Variants in L3MBTL3 observed in about 807,000 individuals in gnomAD.
L3MBTL3 encodes L3MBTL histone methyl-lysine binding protein 3.
Under a neutral mutation model 102.3 loss-of-function variants are expected in L3MBTL3, and 27 were observed. That is an observed-to-expected ratio of 0.26 (90% confidence interval 0.19 to 0.36). L3MBTL3 has a LOEUF of 0.36. Ranked by LOEUF, L3MBTL3 falls within the 10% of genes least tolerant of loss-of-function variation. The probability of loss-of-function intolerance (pLI) is 1.00; values close to 1 mark genes in which losing one functional copy is unlikely to be tolerated. For missense variants in L3MBTL3, 798 were observed against 955.3 expected (o/e 0.84, Z 2.17); for synonymous variants, 340 against 320.9 (o/e 1.06, Z -0.64).
chr6:130,087,931 T>C (rs961225784), intron 16 of L3MBTL3, among the ~76,000 whole-genome samples: 4 of 152,130 alleles, frequency 2.6e-5, no homozygotes, highest in South Asian at 2.1e-4. Context: ...GTGCTGAAAG[T>C]ATAAATGGTT....
chr6:130,032,774 T>C lies in L3MBTL3; in HGVS notation c.-15-9911T>C, dbSNP rs1461857758. Among the ~76,000 whole-genome samples the C allele has an allele frequency of 2.0e-5, 3 of 152,188 alleles. No homozygotes were observed. The East Asian group carries it at 5.8e-4, about 29-fold the overall frequency. On this transcript the variant is annotated intron_variant, in intron 2 of 22. Coordinates refer to ENST00000361794, the MANE Select transcript of L3MBTL3 (RefSeq NM_032438.4). ...GGGAGGCCAAGGTGGAAGAATCACG[T>C]GAGGCCTGCAGTTTGAGACCACCCT...
At chr6:130,134,354 T>TA (rs910942888) in intron 22 of L3MBTL3, among the ~76,000 whole-genome samples, 9 of 152,294 alleles carry the variant, frequency 5.9e-5, no homozygotes, top group African/African-American at 1.9e-4. Flanking sequence ...GCATTATGTC[T>TA]AAAAAAATCC....
At chr6:130,039,942 G>A (rs538962078) in intron 2 of L3MBTL3, among the ~76,000 whole-genome samples, 1 of 152,310 alleles carries the variant, frequency 6.6e-6, no homozygotes, top group South Asian at 2.1e-4. Context: ...AACTTGACAG[G>A]TGGTGGTAGT....
intron 2 of L3MBTL3, among the ~76,000 whole-genome samples, chr6:130,026,918 A>G (rs1032917532): frequency 2.0e-5 from 3 of 152,172 alleles, no homozygotes; most frequent in African/African-American, 2.4e-5. Context: ...AAGAAAATTA[A>G]GAGAGACAAT....
intron 22 of L3MBTL3, among the ~76,000 whole-genome samples, chr6:130,134,759 C>T (rs574632020): frequency 6.6e-6 from 1 of 152,324 alleles, no homozygotes; most frequent in East Asian, 1.9e-4. Flanking sequence ...AACTTGTTTG[C>T]CCCTATGTGT....
chr6:130,086,058 T>C, intron 15 of L3MBTL3, 82 bp from the exon 16 acceptor site: 7 of 991,972 alleles, frequency 7.1e-6, no homozygotes, highest in Non-Finnish European at 1.1e-5. Flanking sequence ...TGGCCAGCTT[T>C]TTCTTCTTCT....
intron 10 of L3MBTL3, among the ~76,000 whole-genome samples, chr6:130,062,680 CCA>C (rs1424096431): frequency 6.6e-6 from 1 of 151,422 alleles, no homozygotes; most frequent in Non-Finnish European, 1.5e-5. Flanking sequence ...CAGGCATGAG[CCA>C]CCACACCTGG....
chr6:130,066,576 T>C (rs1398856605), intron 11 of L3MBTL3, 88 bp downstream of exon 11: 9 of 1,215,746 alleles, frequency 7.4e-6, no homozygotes, highest in African/African-American at 3.1e-5. Flanking sequence ...ATTCAGACTT[T>C]ATGAAAATTC....
intron 18 of L3MBTL3, among the ~76,000 whole-genome samples, chr6:130,097,273 C>G (rs931267441): frequency 6.6e-6 from 1 of 152,052 alleles, no homozygotes; most frequent in Non-Finnish European, 1.5e-5. Context: ...TACTTTTGTT[C>G]TTACTAAGAA....
chr6:130,062,661 C>T (rs1433040520), intron 10 of L3MBTL3, among the ~76,000 whole-genome samples: 4 of 149,904 alleles, frequency 2.7e-5, no homozygotes, highest in African/African-American at 9.8e-5. Flanking sequence ...TCCCAAAGTG[C>T]TTGTATAACA....
At chr6:130,058,006 G>A (rs908926959) in intron 9 of L3MBTL3, among the ~76,000 whole-genome samples, 10 of 151,548 alleles carry the variant, frequency 6.6e-5, no homozygotes, top group East Asian at 1.9e-4. Flanking sequence ...AGCCGGGCGC[G>A]GTGGCGGGTG....
At chr6:130,062,365 AAC>A (rs35674108) in intron 10 of L3MBTL3, among the ~76,000 whole-genome samples, 121 of 151,212 alleles carry the variant, frequency 8.0e-4, no homozygotes, top group Middle Eastern at 6.9e-3. Context: ...CACACAGACA[AAC>A]ACACGCGCGC....
At position 130,051,250 on chromosome 6, in the gene L3MBTL3, C is replaced by G; in HGVS notation, c.291C>G (p.Val97=). 1.2e-6 allele frequency: 2 copies of G among 1,606,222 alleles called. No homozygotes were observed. Among genetic ancestry groups the G allele is most frequent in the East Asian group, 4.5e-5 (2 of 44,778 alleles). ...YWTSPPGCPT[V]FSEKTGMPFR... ...GCATTTCTTCTTTTCATCTTCTAGT[C>G]TTTTCAGAGAAGACTGGGATGCCTT... is the stretch of plus-strand genomic sequence containing the variant. The change falls in exon 6 of 23, where the codon GTC becomes GTG. Residue 97 remains valine, a splice_region_variant and synonymous_variant. Transcript: ENST00000361794.
In L3MBTL3 at chr6:130,080,685, A is replaced by G. The variant is rs537667900; in HGVS notation, c.1321+2051A>G. Among the ~76,000 whole-genome samples the G allele has an allele frequency of 5.9e-5, 9 of 152,342 alleles. No homozygotes were observed. In the East Asian group the frequency reaches 1.7e-3, roughly 29 times the overall value. On this transcript the variant is annotated intron_variant, in intron 14 of 22. Transcript: ENST00000361794. ...AAGAGAAAAAAAAAATAGCTTTTTG[A>G]CACATTTTAAAAATTCAAAATTGCA... is the stretch of plus-strand genomic sequence containing the variant.
intron 13 of L3MBTL3, among the ~76,000 whole-genome samples, chr6:130,072,074 T>A (rs956454935): frequency 6.6e-6 from 1 of 152,106 alleles, no homozygotes; most frequent in Non-Finnish European, 1.5e-5. Flanking sequence ...CCAAGTACGG[T>A]TGGCCTTCTG....
In L3MBTL3 at chr6:130,049,526, C is replaced by G. The variant is rs1780954309; in HGVS notation, c.214+133C>G. The G allele has an allele frequency of 1.1e-5, 8 of 726,162 alleles. No individual in the cohort carries two copies. The South Asian group carries it at 1.6e-4, about 14-fold the overall frequency. 45.0% of individuals were successfully genotyped at this position (726,162 alleles called of 1,614,324 possible). On this transcript the variant is annotated intron_variant, in intron 4 of 22. Coordinates refer to ENST00000361794, the MANE Select transcript of L3MBTL3 (RefSeq NM_032438.4). ...GTGCCTCATGTTGTTAGGTAAATTT[C>G]TATAATGAAACTGATAGGAGCCAGC...
chr6:130,083,312 T>C (rs186823537), intron 14 of L3MBTL3, among the ~76,000 whole-genome samples: 1 of 152,102 alleles, frequency 6.6e-6, no homozygotes, highest in Non-Finnish European at 1.5e-5. Context: ...ATATGTCAGA[T>C]TTTTCTAGAT....
chr6:130,108,253 T>C (rs960742362), intron 19 of L3MBTL3, among the ~76,000 whole-genome samples: 1 of 118,502 alleles, frequency 8.4e-6, no homozygotes. Flanking sequence ...TTTTTTTTTT[T>C]AGATGGAGTC....
At chr6:130,051,954 C>A (rs1354622482) in intron 6 of L3MBTL3, among the ~76,000 whole-genome samples, 1 of 152,146 alleles carries the variant, frequency 6.6e-6, no homozygotes, top group Non-Finnish European at 1.5e-5. Context: ...GTGTGACCTT[C>A]CCATTTGGGG....
Sources: gnomAD v4.1 joint callset for allele counts (sites outside exome capture counted in the v4.1 genomes callset) on GRCh38, gnomAD v4.1.1 for gene constraint, MANE v1.5 for transcripts, NCBI Gene and HGNC (gene_info 2026-07-23, HGNC 2026-07-21) for gene names.